The following CTNNA2 variants were observed in gnomAD, a reference collection of about 807,000 sequenced individuals.
CTNNA2 encodes the protein catenin alpha-2.
CTNNA2 carries 42 observed loss-of-function variants against 101.0 expected under a neutral mutation model. The ratio of observed to expected loss-of-function variants is 0.42; its 90% confidence interval spans 0.32 to 0.54. CTNNA2 has a LOEUF of 0.54. Ranked by LOEUF, CTNNA2 falls within the 20% of genes least tolerant of loss-of-function variation. The pLI, the probability that CTNNA2 is intolerant of heterozygous loss-of-function variation, is 0.14. For missense variants in CTNNA2, 871 were observed against 1,223.1 expected, an observed-to-expected ratio of 0.71 and a Z score of 4.29; for synonymous variants, 450 against 456.4, an observed-to-expected ratio of 0.99 and a Z score of 0.18.
At chr2:80,477,966 C>T (rs1050069788) in intron 9 of CTNNA2, among the ~76,000 whole-genome samples, 3 of 152,038 alleles carry the variant, frequency 2.0e-5, no homozygotes, top group Admixed American at 2.0e-4. Context: ...TGAGAAATCT[C>T]CATACTATTT....
intron 4 of CTNNA2, among the ~76,000 whole-genome samples, chr2:79,451,112 A>G (rs765856077): frequency 5.3e-5 from 8 of 152,094 alleles, no homozygotes; most frequent in Admixed American, 1.3e-4. Flanking sequence ...TCCACAAACA[A>G]TGGTTCCAGC....
At chr2:80,529,359 C>G (rs1308657661) in intron 9 of CTNNA2, among the ~76,000 whole-genome samples, 1 of 152,086 alleles carries the variant, frequency 6.6e-6, no homozygotes, top group Non-Finnish European at 1.5e-5. Flanking sequence ...TAGTTTATAA[C>G]TAAATACCAA....
chr2:79,899,590 A>G (rs1170217714), intron 6 of CTNNA2, among the ~76,000 whole-genome samples: 1 of 152,198 alleles, frequency 6.6e-6, no homozygotes, highest in Non-Finnish European at 1.5e-5. Context: ...AAAACACATT[A>G]AGTATCTAAG....
chr2:79,303,726 T>A (rs1329299075), intron 2 of CTNNA2, among the ~76,000 whole-genome samples: 1 of 151,918 alleles, frequency 6.6e-6, no homozygotes, highest in South Asian at 2.1e-4. Flanking sequence ...ACAAAACACA[T>A]GAAATTACAG....
At chr2:79,465,303 A>G (rs568701136) in intron 4 of CTNNA2, among the ~76,000 whole-genome samples, 7 of 152,028 alleles carry the variant, frequency 4.6e-5, no homozygotes, top group Admixed American at 1.3e-4. Context: ...TAGATGTGTC[A>G]TATTATTTTT....
At chr2:80,423,004 T>G (rs1391207034) in intron 9 of CTNNA2, among the ~76,000 whole-genome samples, 2 of 152,166 alleles carry the variant, frequency 1.3e-5, no homozygotes, top group Admixed American at 1.3e-4. Context: ...CATAATACAT[T>G]TGTATTTTTT....
intron 1 of CTNNA2, among the ~76,000 whole-genome samples, chr2:79,186,790 C>A (rs1673783840): frequency 1.3e-5 from 2 of 152,174 alleles, no homozygotes; most frequent in African/African-American, 4.8e-5. Flanking sequence ...GTCTGACCAT[C>A]AGAGAGACAA....
chr2:80,394,121 A>G (rs896970365), intron 8 of CTNNA2, among the ~76,000 whole-genome samples: 20 of 152,224 alleles, frequency 1.3e-4, no homozygotes, highest in African/African-American at 4.8e-4. Flanking sequence ...ACAGCCAGCT[A>G]AAACCAACCA....
intron 7 of CTNNA2, among the ~76,000 whole-genome samples, chr2:80,063,714 C>T (rs1697771542): frequency 6.6e-6 from 1 of 152,240 alleles, no homozygotes; most frequent in Non-Finnish European, 1.5e-5. Context: ...TATCTTACAG[C>T]ATTGATAAAC....
At chr2:79,740,436 G>C (rs2104968722) in intron 2 of CTNNA2, among the ~76,000 whole-genome samples, 1 of 152,194 alleles carries the variant, frequency 6.6e-6, no homozygotes, top group East Asian at 1.9e-4. Context: ...TAAGATTTTT[G>C]AAATACTTTT....
chr2:80,018,118 A>G (rs1694281267), intron 7 of CTNNA2, among the ~76,000 whole-genome samples: 1 of 152,208 alleles, frequency 6.6e-6, no homozygotes, highest in South Asian at 2.1e-4. Context: ...ATGTTATGGA[A>G]TGTTACAGAA....
intron 6 of CTNNA2, among the ~76,000 whole-genome samples, chr2:79,905,065 T>A (rs771387574): frequency 9.9e-5 from 15 of 152,230 alleles, no homozygotes; most frequent in South Asian, 6.2e-4. Context: ...AGGATTCTAG[T>A]CTTGTTGGCT....
intron 7 of CTNNA2, among the ~76,000 whole-genome samples, chr2:80,081,121 C>T (rs1222699051): frequency 2.0e-5 from 3 of 149,372 alleles, no homozygotes; most frequent in Admixed American, 6.7e-5. Context: ...AAAGCGTGGT[C>T]GGGTGAGGAG....
At chr2:79,731,649 G>A (rs1214550253) in intron 2 of CTNNA2, among the ~76,000 whole-genome samples, 1 of 152,048 alleles carries the variant, frequency 6.6e-6, no homozygotes, top group African/African-American at 2.4e-5. Flanking sequence ...TTCATTGCTA[G>A]TGGAGGCTTG....
At chr2:80,500,542 A>G (rs914658143) in intron 9 of CTNNA2, among the ~76,000 whole-genome samples, 1 of 152,230 alleles carries the variant, frequency 6.6e-6, no homozygotes, top group African/African-American at 2.4e-5. Context: ...ATAATACCTC[A>G]ATGATCCAGA....
intron 1 of CTNNA2, among the ~76,000 whole-genome samples, chr2:79,542,044 T>C (rs1261991915): frequency 6.6e-6 from 1 of 152,186 alleles, no homozygotes; most frequent in Non-Finnish European, 1.5e-5. Flanking sequence ...ATTTCTTTTT[T>C]TTTCTCTTTA....
intron 3 of CTNNA2, among the ~76,000 whole-genome samples, chr2:79,798,810 A>G (rs570772563): frequency 6.6e-6 from 1 of 152,320 alleles, no homozygotes; most frequent in African/African-American, 2.4e-5. Context: ...AGACTAGAGT[A>G]ACACAGTTTT....
intron 9 of CTNNA2, among the ~76,000 whole-genome samples, chr2:80,462,821 T>C (rs532936565): frequency 6.6e-6 from 1 of 152,086 alleles, no homozygotes; most frequent in East Asian, 1.9e-4. Context: ...TCTATTCGGT[T>C]TCTTTCTTGT....
intron 12 of CTNNA2, chr2:80,572,589 T>C (rs1320157124): frequency 6.6e-6 from 1 of 152,234 alleles, no homozygotes; most frequent in African/African-American, 2.4e-5. Flanking sequence ...TCTCAAATTC[T>C]AATATGTACA....
Sources: allele counts gnomAD v4.1 joint callset (sites outside exome capture counted in the v4.1 genomes callset), GRCh38; gene constraint gnomAD v4.1.1; transcripts MANE v1.5; gene names NCBI Gene and HGNC (gene_info 2026-07-23, HGNC 2026-07-21).